Variants in LETM1 observed in about 807,000 individuals in gnomAD.
LETM1 encodes leucine zipper and EF-hand containing transmembrane protein 1, also known as mitochondrial proton/calcium exchanger protein.
In LETM1, 50 loss-of-function variants were observed where a neutral mutation model predicts 74.5. The observed-to-expected ratio is 0.67, with a 90% CI of 0.53 to 0.85. The LOEUF is 0.85. Ranked by LOEUF, LETM1 falls within the 40% of genes least tolerant of loss-of-function variation. The probability of loss-of-function intolerance (pLI) is 0.00; values close to 1 mark genes in which losing one functional copy is unlikely to be tolerated. For missense variants in LETM1, 824 were observed against 967.8 expected, an observed-to-expected ratio of 0.85 and a Z score of 1.97; for synonymous variants, 446 against 407.1, an observed-to-expected ratio of 1.10 and a Z score of -1.15.
At chr4:1,845,139 G>A (rs529873110) in intron 2 of LETM1, among the ~76,000 whole-genome samples, 27 of 152,070 alleles carry the variant, frequency 1.8e-4, no homozygotes, top group Non-Finnish European at 2.8e-4. Flanking sequence ...GCAGTGAGCT[G>A]AGATTGTGCC....
intron 9 of LETM1, chr4:1,822,629 A>G: frequency 2.9e-6 from 1 of 346,808 alleles, no homozygotes. Context: ...AGAGGACCAC[A>G]GGGCCCGCGT....
At chr4:1,816,622 C>A in intron 12 of LETM1, 105 bp downstream of exon 12, 5 of 1,115,246 alleles carry the variant, frequency 4.5e-6, no homozygotes, top group Non-Finnish European at 2.6e-6. Context: ...GCAGAGGCTA[C>A]AATGTGCCCT....
chr4:1,827,157 C>T (rs962809740), intron 6 of LETM1, among the ~76,000 whole-genome samples: 1 of 152,202 alleles, frequency 6.6e-6, no homozygotes, highest in African/African-American at 2.4e-5. Context: ...CTTCCCTCAG[C>T]CCTTCCTTTA....
In LETM1 at chr4:1,834,671, C is replaced by A; in HGVS notation, c.876+174G>T. The A allele has an allele frequency of 1.7e-5, 24 of 1,440,800 alleles. No homozygotes were observed. The highest frequency in any genetic ancestry group is 2.1e-5 in the Non-Finnish European group (23 of 1,101,186). The allele number at this position is 1,440,800 out of a possible 1,614,324, so 89.3% of individuals were successfully genotyped here. On this transcript the variant is annotated intron_variant, in intron 5 of 13. Coordinates refer to ENST00000302787, the MANE Select transcript of LETM1 (RefSeq NM_012318.3). The surrounding 1 kb of genome is among the most constrained non-coding windows in gnomAD (Gnocchi z 5.0). Reference sequence around the variant, plus strand: ...ACCACAGCTTAACTCACTGGGAGCTCGTGGGGGCAGACTCCTGACACTCCA... The same window carrying A: ...ACCACAGCTTAACTCACTGGGAGCTAGTGGGGGCAGACTCCTGACACTCCA...
Position 1,834,312 on chromosome 4 carries a change from A to G in LETM1, c.876+533T>C. On this transcript the variant is annotated intron_variant, in intron 5 of 13. Transcript: ENST00000302787. This position sits in a 1 kb window ranked among gnomAD's most constrained non-coding sequence, Gnocchi z 5.0. ...CAACAACACCGGCCTCGTGAACCCC[A>G]TCTAGTCCTCAGGGATCTCGGTCCG... 1 of 865,612 alleles carries G rather than the reference A, an allele frequency of 1.2e-6. No homozygotes were observed. Among genetic ancestry groups the G allele is most frequent in the South Asian group, 5.3e-5 (1 of 18,974 alleles). 53.6% of individuals were successfully genotyped at this position (865,612 alleles called of 1,614,324 possible).
chr4:1,817,491 G>C (rs1279242081), intron 11 of LETM1, among the ~76,000 whole-genome samples: 1 of 152,134 alleles, frequency 6.6e-6, no homozygotes, highest in Non-Finnish European at 1.5e-5. Context: ...AGCCCAGGAG[G>C]TGGAGGCTGC....
chr4:1,853,051 C>A (rs1713117504), intron 1 of LETM1, among the ~76,000 whole-genome samples: 1 of 152,192 alleles, frequency 6.6e-6, no homozygotes, highest in African/African-American at 2.4e-5. Context: ...AATACACACG[C>A]CCCACAGGTC....
At chr4:1,843,036 C>T in intron 2 of LETM1, 1 of 376,746 alleles carries the variant, frequency 2.7e-6, no homozygotes, top group Non-Finnish European at 5.3e-6. Flanking sequence ...CATAACTTCA[C>T]ATCAGCTCCT....
chr4:1,837,293 C>A lies in LETM1; in HGVS notation c.595-721G>T, dbSNP rs554824995. ...CCCTGAGAGCAGCAATGTCCTCCTC[C>A]TCATCAGCCTCTCTCCCGACCCCGC... is the stretch of plus-strand genomic sequence containing the variant. On this transcript the variant is annotated intron_variant, in intron 3 of 13. Coordinates refer to ENST00000302787, the MANE Select transcript of LETM1 (RefSeq NM_012318.3). 1.4e-4 allele frequency among the ~76,000 whole-genome samples: 21 copies of A among 152,296 alleles called. 1 individual carries two copies. In the South Asian group the frequency reaches 4.4e-3, roughly 32 times the overall value.
intron 11 of LETM1, among the ~76,000 whole-genome samples, chr4:1,818,644 A>G (rs1050579773): frequency 6.6e-6 from 1 of 151,984 alleles, no homozygotes; most frequent in South Asian, 2.1e-4. Flanking sequence ...AAGAAAGAAA[A>G]AAAATCGTTA....
At chr4:1,831,822 C>T (rs1712281775) in intron 6 of LETM1, among the ~76,000 whole-genome samples, 1 of 152,306 alleles carries the variant, frequency 6.6e-6, no homozygotes, top group Admixed American at 6.5e-5. Context: ...ACAGACAATG[C>T]CTGCATTCAG....
At chr4:1,817,355 G>A (rs919845659) in intron 11 of LETM1, among the ~76,000 whole-genome samples, 2 of 151,230 alleles carry the variant, frequency 1.3e-5, no homozygotes, top group Admixed American at 6.6e-5. Context: ...ACAGGAGTTC[G>A]AAACCAGACC....
At chr4:1,844,423 G>A (rs1475997924) in intron 2 of LETM1, among the ~76,000 whole-genome samples, 2 of 152,252 alleles carry the variant, frequency 1.3e-5, no homozygotes, top group East Asian at 3.9e-4. Flanking sequence ...TAATGTCCAC[G>A]ATGTTCTCTT....
chr4:1,835,479 AC>A (rs1712433630), intron 4 of LETM1, among the ~76,000 whole-genome samples: 1 of 147,658 alleles, frequency 6.8e-6, no homozygotes, highest in African/African-American at 2.7e-5. Context: ...AAACAAACAA[AC>A]AAACAAAAAC....
At chr4:1,823,810 C>T (rs749731876) in intron 7 of LETM1, 35 bp from the exon 8 acceptor site, 3 of 1,582,056 alleles carry the variant, frequency 1.9e-6, no homozygotes, top group Admixed American at 1.7e-5. Context: ...GATGGGCAGC[C>T]CCCCAACCCT....
intron 9 of LETM1, chr4:1,822,741 GC>G (rs908281756): frequency 1.3e-5 from 5 of 390,966 alleles, no homozygotes; most frequent in Non-Finnish European, 2.2e-5. Context: ...TGCTAAGCTT[GC>G]CCCTCTGAGA....
At chr4:1,828,982 CA>C (rs1392216296) in intron 6 of LETM1, among the ~76,000 whole-genome samples, 2 of 94,648 alleles carry the variant, frequency 2.1e-5, no homozygotes, top group Non-Finnish European at 4.3e-5. Flanking sequence ...GCTGGCCGGG[CA>C]GGGGGGCTGA....
At chr4:1,841,325 G>T (rs757631466) in intron 3 of LETM1, 22 bp downstream of exon 3, 1 of 1,601,228 alleles carries the variant, frequency 6.2e-7, no homozygotes, top group South Asian at 1.1e-5. Flanking sequence ...AGAAAAGAAA[G>T]GACTAGACAT....
intron 3 of LETM1, among the ~76,000 whole-genome samples, chr4:1,837,712 T>C (rs1295180745): frequency 6.7e-6 from 1 of 149,794 alleles, no homozygotes; most frequent in African/African-American, 2.5e-5. Flanking sequence ...TTTTTTTTTT[T>C]TTTTTTTTTG....
Sources: gnomAD v4.1 joint callset for allele counts (sites outside exome capture counted in the v4.1 genomes callset) on GRCh38, gnomAD v4.1.1 for gene constraint, Gnocchi (gnomAD v3.1) non-coding constraint, MANE v1.5 for transcripts, NCBI Gene and HGNC (gene_info 2026-07-23, HGNC 2026-07-21) for gene names.